Variants in SGCD observed in about 807,000 individuals in gnomAD.
The protein encoded by SGCD is delta-sarcoglycan.
In SGCD, 18 loss-of-function variants were observed where a neutral mutation model predicts 36.6. That is an observed-to-expected ratio of 0.49 (90% CI 0.34 to 0.73). The LOEUF is 0.73. SGCD is among the 30% of genes least tolerant of loss of function. SGCD has a pLI of 0.01. For missense variants in SGCD, 387 were observed against 346.7 expected (o/e 1.12, Z -0.92); for synonymous variants, 133 against 130.6 (o/e 1.02, Z -0.12).
At chr5:156,343,578 T>G (rs774036533) in intron 2 of SGCD, among the ~76,000 whole-genome samples, 1 of 152,244 alleles carries the variant, frequency 6.6e-6, no homozygotes, top group Non-Finnish European at 1.5e-5. Context: ...AAGTGATATG[T>G]TTACCTACAT....
At chr5:156,412,063 G>A (rs926733547) in intron 3 of SGCD, among the ~76,000 whole-genome samples, 56 of 152,292 alleles carry the variant, frequency 3.7e-4, no homozygotes, top group African/African-American at 1.3e-3. Context: ...ATTTTTAGTC[G>A]TGCATTCTAG....
chr5:156,198,854 T>TTTA (rs139698403), intron 3 of SGCD, among the ~76,000 whole-genome samples: 2,894 of 151,874 alleles, frequency 0.019, 69 homozygotes, highest in African/African-American at 0.057. Flanking sequence ...TGGTTTTTAT[T>TTTA]TTATTATTAT....
At chr5:156,731,432 G>T (rs1230077679) in intron 7 of SGCD, among the ~76,000 whole-genome samples, 2 of 152,146 alleles carry the variant, frequency 1.3e-5, no homozygotes, top group Non-Finnish European at 2.9e-5. Flanking sequence ...TAAGGAACAG[G>T]TTCGGTGTCA....
chr5:156,751,618 TA>T (rs770703665), intron 7 of SGCD, among the ~76,000 whole-genome samples: 12 of 151,936 alleles, frequency 7.9e-5, no homozygotes, highest in Admixed American at 2.0e-4. Context: ...AAATAAAAAA[TA>T]GACAAAAATA....
the SGCD span, among the ~76,000 whole-genome samples, chr5:155,835,514 T>TTC: frequency 6.6e-6 from 1 of 152,140 alleles, no homozygotes; most frequent in Non-Finnish European, 1.5e-5. Context: ...ATGACTTTTC[T>TTC]TCTCTTTCAG....
At chr5:156,335,771 C>T (rs1484564417) in intron 2 of SGCD, among the ~76,000 whole-genome samples, 1 of 152,110 alleles carries the variant, frequency 6.6e-6, no homozygotes, top group South Asian at 2.1e-4. Flanking sequence ...TCCTTTTTGA[C>T]GCCCCATGTC....
At chr5:155,998,077 G>T (rs1758590773) in intron 1 of SGCD, among the ~76,000 whole-genome samples, 1 of 152,232 alleles carries the variant, frequency 6.6e-6, no homozygotes, top group Non-Finnish European at 1.5e-5. Flanking sequence ...CTACTGTCTA[G>T]TGTGTTACAA....
chr5:155,960,883 C>T (rs1025917305), intron 1 of SGCD, among the ~76,000 whole-genome samples: 3 of 152,052 alleles, frequency 2.0e-5, no homozygotes, highest in Non-Finnish European at 2.9e-5. Context: ...TTTCAACTTC[C>T]GCTTGAGGCC....
intron 4 of SGCD, among the ~76,000 whole-genome samples, chr5:156,581,168 G>C (rs897060946): frequency 6.6e-6 from 1 of 152,192 alleles, no homozygotes; most frequent in African/African-American, 2.4e-5. Flanking sequence ...TCAGCTGCAG[G>C]TCTTTTGGAG....
chr5:156,047,661 T>C (rs1239778706), intron 1 of SGCD, among the ~76,000 whole-genome samples: 2 of 152,110 alleles, frequency 1.3e-5, no homozygotes, highest in Non-Finnish European at 2.9e-5. Flanking sequence ...GAAAAAGTTC[T>C]TTTCAAAATA....
intron 1 of SGCD, among the ~76,000 whole-genome samples, chr5:156,043,647 A>G (rs1348491281): frequency 3.3e-5 from 5 of 152,182 alleles, no homozygotes; most frequent in South Asian, 2.1e-4. Context: ...TTCAGTTCTC[A>G]TTATTTCAGC....
At chr5:156,450,028 A>T (rs1051656670) in intron 3 of SGCD, among the ~76,000 whole-genome samples, 1 of 152,110 alleles carries the variant, frequency 6.6e-6, no homozygotes, top group Non-Finnish European at 1.5e-5. Flanking sequence ...GGGAGGAAGG[A>T]TGTGAGCATC....
chr5:155,857,265 A>G, the SGCD span, among the ~76,000 whole-genome samples: 1 of 152,180 alleles, frequency 6.6e-6, no homozygotes, highest in Non-Finnish European at 1.5e-5. Flanking sequence ...GAAGTTAAAC[A>G]TATATCTGCC....
At chr5:156,095,481 T>C (rs946333781) in intron 1 of SGCD, among the ~76,000 whole-genome samples, 2 of 152,060 alleles carry the variant, frequency 1.3e-5, no homozygotes, top group Non-Finnish European at 2.9e-5. Context: ...CAACAGTGAG[T>C]GTGGTAAGAA....
chr5:155,878,644 G>A (rs1755814931), intron 1 of SGCD, among the ~76,000 whole-genome samples: 1 of 152,074 alleles, frequency 6.6e-6, no homozygotes, highest in African/African-American at 2.4e-5. Flanking sequence ...AAAGGAGGTT[G>A]GACAAATTGG....
chr5:156,018,973 A>T (rs925439995), intron 1 of SGCD, among the ~76,000 whole-genome samples: 1 of 152,240 alleles, frequency 6.6e-6, no homozygotes, highest in Non-Finnish European at 1.5e-5. Context: ...TCTTTTTAAT[A>T]GGAAAAAATC....
intron 7 of SGCD, among the ~76,000 whole-genome samples, chr5:156,742,546 G>A (rs116728504): frequency 2.4e-4 from 37 of 152,098 alleles, no homozygotes; most frequent in African/African-American, 8.7e-4. Context: ...TACTTTCCTT[G>A]CAGTCCTCTT....
chr5:156,254,291 G>T (rs968033042), intron 3 of SGCD, among the ~76,000 whole-genome samples: 1 of 152,178 alleles, frequency 6.6e-6, no homozygotes, highest in Non-Finnish European at 1.5e-5. Flanking sequence ...AGTTACATAT[G>T]TATACATGTG....
intron 4 of SGCD, among the ~76,000 whole-genome samples, chr5:156,552,654 C>T (rs1228227601): frequency 2.6e-5 from 4 of 152,106 alleles, no homozygotes; most frequent in African/African-American, 7.2e-5. Context: ...AAAATAAGAA[C>T]ATCCTCCTGC....
Sources: allele counts gnomAD v4.1 joint callset (sites outside exome capture counted in the v4.1 genomes callset), GRCh38; gene constraint gnomAD v4.1.1; transcripts MANE v1.5; gene names NCBI Gene and HGNC (gene_info 2026-07-23, HGNC 2026-07-21).